ZMYM2: variants seen among roughly 807,000 people sequenced by gnomAD.
The protein encoded by ZMYM2 is zinc finger MYM-type protein 2.
ZMYM2 carries 56 observed loss-of-function variants against 162.8 expected under a neutral mutation model. The observed-to-expected ratio is 0.34, with a 90% CI of 0.28 to 0.43. The LOEUF is 0.43. Ranked by LOEUF, ZMYM2 falls within the 20% of genes least tolerant of loss-of-function variation. ZMYM2 has a pLI of 1.00. For synonymous variants in ZMYM2, 510 were observed against 541.6 expected (o/e 0.94, Z 0.81); for missense variants, 1,275 against 1,621.8 (o/e 0.79, Z 3.67).
At chr13:20,014,080 T>G (rs940319502) in intron 6 of ZMYM2, among the ~76,000 whole-genome samples, 1 of 152,220 alleles carries the variant, frequency 6.6e-6, no homozygotes, top group Non-Finnish European at 1.5e-5. Context: ...TTTTGTTTGT[T>G]TGTTTGTTTG....
the ZMYM2 span, among the ~76,000 whole-genome samples, chr13:19,919,290 T>C: frequency 1.5e-3 from 235 of 152,296 alleles, no homozygotes; most frequent in African/African-American, 5.5e-3. Flanking sequence ...CTTTTACAAA[T>C]AAAGATATTA....
chr13:19,890,844 C>A, the ZMYM2 span, among the ~76,000 whole-genome samples: 1 of 151,186 alleles, frequency 6.6e-6, no homozygotes, highest in African/African-American at 2.4e-5. Context: ...TGCACTCCAG[C>A]CTGGGCAACA....
At chr13:19,948,850 A>C in the ZMYM2 span, among the ~76,000 whole-genome samples, 4 of 152,226 alleles carry the variant, frequency 2.6e-5, no homozygotes, top group Admixed American at 1.3e-4. Flanking sequence ...GTTTTAAAAA[A>C]TGAAGTCAAT....
chr13:19,899,060 C>T, the ZMYM2 span, among the ~76,000 whole-genome samples: 1 of 151,568 alleles, frequency 6.6e-6, no homozygotes, highest in East Asian at 2.0e-4. Context: ...TTAAGCAATT[C>T]TCTTGCCTCA....
intron 12 of ZMYM2, among the ~76,000 whole-genome samples, chr13:20,046,481 G>A (rs1954790983): frequency 6.6e-6 from 1 of 150,760 alleles, no homozygotes; most frequent in Non-Finnish European, 1.5e-5. Flanking sequence ...TTGAGTTCAG[G>A]TTTTTGAGGT....
intron 2 of ZMYM2, among the ~76,000 whole-genome samples, chr13:19,963,936 C>G (rs1422421023): frequency 6.6e-6 from 1 of 152,124 alleles, no homozygotes; most frequent in African/African-American, 2.4e-5. Flanking sequence ...AACTTTATAA[C>G]AGTCCATTGA....
chr13:20,007,354 C>T (rs1566279747), intron 6 of ZMYM2, among the ~76,000 whole-genome samples: 1 of 152,106 alleles, frequency 6.6e-6, no homozygotes, highest in Non-Finnish European at 1.5e-5. Flanking sequence ...CCAGGCTGGT[C>T]TCGAACTCCT....
chr13:19,900,778 G>A, the ZMYM2 span, among the ~76,000 whole-genome samples: 1 of 151,988 alleles, frequency 6.6e-6, no homozygotes, highest in Non-Finnish European at 1.5e-5. Flanking sequence ...CACATTAAAA[G>A]GACTATACGC....
chr13:20,058,605 A>G lies in ZMYM2; in HGVS notation c.2524A>G (p.Asn842Asp), dbSNP rs2140726941. Residue 842 changes from asparagine (N) to aspartate (D), a missense_variant, in exon 15 of 25, where the codon AAC becomes GAC. By Grantham distance (23) the Asn-to-Asp change is conservative (BLOSUM62 1). Around this residue, in one of 10 missense-constraint regions of ZMYM2, gnomAD observed 177 missense variants for 228.0 expected, o/e 0.78. Transcript: ENST00000610343. Reference protein sequence around the residue: ...GSAPPPSPTPNKEMKNKAVLC... With the variant: ...GSAPPPSPTPDKEMKNKAVLC... ...AGCACCACCCCCTTCTCCAACACCTAACAAAGAGATGAAGAACAAAGCAGT... is the reference window on the plus strand; with the variant it reads ...AGCACCACCCCCTTCTCCAACACCTGACAAAGAGATGAAGAACAAAGCAGT... The G allele has an allele frequency of 6.2e-7, 1 of 1,613,746 alleles. No homozygotes were observed. The highest frequency in any genetic ancestry group is 8.5e-7 in the Non-Finnish European group (1 of 1,179,746).
chr13:20,058,430 G>A, intron 14 of ZMYM2, 145 bp from the exon 15 acceptor site: 1 of 906,492 alleles, frequency 1.1e-6, no homozygotes, highest in Non-Finnish European at 1.6e-6. Context: ...TAAGAGTATG[G>A]TGAACATAGG....
Position 20,077,608 on chromosome 13 carries a change from A to G in ZMYM2, c.3454-4408A>G, listed in dbSNP as rs1046003558. 4.9e-5 allele frequency among the ~76,000 whole-genome samples: 7 copies of G among 141,432 alleles called. 1 individual carries two copies. The highest frequency in any genetic ancestry group is 9.6e-5 in the African/African-American group (3 of 31,326). The allele number at this position is 141,432 out of a possible 152,430, so 92.8% of individuals were successfully genotyped here. ...AATTTTAAATTGAGTTTTGAAGTAC[A>G]TATAGAAATTTATTCAGCAAAGGGA... On this transcript the variant is annotated intron_variant, in intron 21 of 24. Transcript: ENST00000610343.
chr13:19,998,185 T>G (rs563299386), intron 3 of ZMYM2, among the ~76,000 whole-genome samples: 2 of 152,346 alleles, frequency 1.3e-5, no homozygotes, highest in South Asian at 4.1e-4. Flanking sequence ...TTGGACTAAT[T>G]GTTAATTGGG....
chr13:19,885,997 A>ATGTGTATACACATATATG, the ZMYM2 span, among the ~76,000 whole-genome samples: 1 of 35,676 alleles, frequency 2.8e-5, no homozygotes, highest in East Asian at 1.0e-3. Context: ...ACACATATAT[A>ATGTGTATACACATATATG]TGTGTATATA....
At chr13:20,010,974 A>G (rs1374954575) in intron 6 of ZMYM2, among the ~76,000 whole-genome samples, 1 of 152,068 alleles carries the variant, frequency 6.6e-6, no homozygotes, top group Non-Finnish European at 1.5e-5. Flanking sequence ...ATACTTGTAT[A>G]TACGTAGGGG....
chr13:20,012,756 GACTTATCAC>G (rs1325481158), intron 6 of ZMYM2, among the ~76,000 whole-genome samples: 24 of 152,228 alleles, frequency 1.6e-4, no homozygotes, highest in Admixed American at 3.3e-4. Flanking sequence ...CTGTGGAATG[GACTTATCAC>G]ACTTGTCAAA....
intron 21 of ZMYM2, among the ~76,000 whole-genome samples, chr13:20,068,952 A>G (rs1292078134): frequency 6.6e-6 from 1 of 152,122 alleles, no homozygotes; most frequent in African/African-American, 2.4e-5. Context: ...GCTTAAAAAC[A>G]TATTTAGATA....
At chr13:20,029,500 G>A (rs1476661011) in intron 9 of ZMYM2, among the ~76,000 whole-genome samples, 2 of 135,716 alleles carry the variant, frequency 1.5e-5, no homozygotes, top group African/African-American at 2.8e-5. Context: ...TAAGAGTAAT[G>A]TTGGCTTTTA....
the ZMYM2 span, among the ~76,000 whole-genome samples, chr13:19,885,857 A>AT: frequency 0.016 from 482 of 30,250 alleles, 86 homozygotes; most frequent in Non-Finnish European, 0.05. Context: ...CAAAAAAAAA[A>AT]AAAAAATATA....
At chr13:19,944,796 A>C in the ZMYM2 span, among the ~76,000 whole-genome samples, 3 of 151,982 alleles carry the variant, frequency 2.0e-5, no homozygotes, top group African/African-American at 7.3e-5. Context: ...TCAGCCTCCC[A>C]TGTAGCTGGG....
Sources: allele counts gnomAD v4.1 joint callset (sites outside exome capture counted in the v4.1 genomes callset), GRCh38; gene constraint gnomAD v4.1.1; regional missense constraint gnomAD v4.1.1; transcripts MANE v1.5; gene names NCBI Gene and HGNC (gene_info 2026-07-23, HGNC 2026-07-21).